Variants in ZNF618 observed in about 807,000 individuals in gnomAD.
The protein encoded by ZNF618 is neural precursor cell expressed, developmentally down-regulated 10.
Under a neutral mutation model 103.0 loss-of-function variants are expected in ZNF618, and 34 were observed. The ratio of observed to expected loss-of-function variants is 0.33; its 90% CI spans 0.25 to 0.44. The LOEUF (loss-of-function observed/expected upper bound fraction) is 0.44, where lower values mean the gene tolerates loss of function less well. ZNF618 is among the 20% of genes least tolerant of loss of function. The pLI is 1.00. For synonymous variants in ZNF618, 551 were observed against 542.2 expected (o/e 1.02, Z -0.23); for missense variants, 1,059 against 1,295.4 (o/e 0.82, Z 2.80).
chr9:114,048,729 T>C lies in ZNF618; in HGVS notation c.1427T>C (p.Val476Ala). 6.2e-7 allele frequency: 1 copy of C among 1,613,858 alleles called. No homozygotes were observed. Among genetic ancestry groups the C allele is most frequent in the Non-Finnish European group, 8.5e-7 (1 of 1,179,878 alleles). The change falls in exon 15 of 15, where the codon GTC becomes GCC. Residue 476 changes from valine (V) to alanine (A), a missense_variant. By Grantham distance (64) the Val-to-Ala change is moderately conservative (BLOSUM62 0). This residue lies in a region of ZNF618 where 434 missense variants were observed against 476.0 expected (regional missense o/e 0.91). Transcript: ENST00000374126. ...RQNIAERLLR[V>A]MCADLGALSV... ...AACATCGCAGAGCGGCTGTTGAGGG[T>C]CATGTGTGCCGACCTGGGTGCACTG...
chr9:113,985,896 C>T (rs2133236545), intron 2 of ZNF618, among the ~76,000 whole-genome samples: 1 of 152,348 alleles, frequency 6.6e-6, no homozygotes, highest in African/African-American at 2.4e-5. Flanking sequence ...TATGTTAGAA[C>T]ACTGCCGGGC....
chr9:114,050,325 T>G lies in ZNF618; in HGVS notation c.*158T>G. 1.2e-6 allele frequency: 1 copy of G among 810,448 alleles called. No individual in the cohort carries two copies. The highest frequency in any genetic ancestry group is 1.9e-5 in the South Asian group (1 of 52,290). 50.2% of individuals were successfully genotyped at this position (810,448 alleles called of 1,614,324 possible). A position where few individuals can be genotyped will look rare whatever the true frequency, so the allele number is the denominator to read the frequency against. ...TAAGTGCTTTTTTTATATGTGTGTGTGTGCGTGTATGTACACAGCCACACG... is the reference window on the plus strand; with the variant it reads ...TAAGTGCTTTTTTTATATGTGTGTGGGTGCGTGTATGTACACAGCCACACG... On this transcript the variant is annotated 3_prime_UTR_variant, in exon 15 of 15. Coordinates refer to ENST00000374126, the MANE Select transcript of ZNF618 (RefSeq NM_001318042.2).
At chr9:113,895,481 A>G (rs1208352696) in intron 1 of ZNF618, among the ~76,000 whole-genome samples, 1 of 152,072 alleles carries the variant, frequency 6.6e-6, no homozygotes, top group Non-Finnish European at 1.5e-5. Context: ...GTCTATATCC[A>G]TTAGTGAGAT....
At chr9:114,016,106 C>T (rs1842626916) in intron 9 of ZNF618, 2 of 1,601,024 alleles carry the variant, frequency 1.2e-6, no homozygotes, top group South Asian at 1.1e-5. Context: ...TTATAATTTT[C>T]CCCCAGTGAA....
chr9:113,936,078 C>T (rs1834004991), intron 1 of ZNF618, among the ~76,000 whole-genome samples: 1 of 152,096 alleles, frequency 6.6e-6, no homozygotes, highest in Admixed American at 6.5e-5. Flanking sequence ...CTTCAGCCTC[C>T]CAAGTCACTG....
In ZNF618 at chr9:114,054,400, C is replaced by T. The variant is rs963400319; in HGVS notation, c.*4233C>T. Reference sequence around the variant, plus strand: ...GGATATGCTGGAAGAGGAGGTGTCCCAGTGAGCCGCCCGAAGTTCATAGCT... The same window carrying T: ...GGATATGCTGGAAGAGGAGGTGTCCTAGTGAGCCGCCCGAAGTTCATAGCT... On this transcript the variant is annotated 3_prime_UTR_variant, in exon 15 of 15. Coordinates refer to ENST00000374126, the MANE Select transcript of ZNF618 (RefSeq NM_001318042.2). 6.6e-6 allele frequency: 1 copy of T among 152,298 alleles called. No homozygotes were observed. The highest frequency in any genetic ancestry group is 1.5e-5 in the Non-Finnish European group (1 of 68,082). The allele number at this position is 152,298 out of a possible 1,614,324, so 9.4% of individuals were successfully genotyped here.
rs200688583 is a variant in ZNF618 at position 113,938,570 on chromosome 9, TTC to T, written c.34-30545_34-30544del. ...CCTCCTCCCATTATATTTTCTTTTT[TTC>T]TTTTTTTTTTTTTTGAGATGGAGTC... On this transcript the variant is annotated intron_variant, in intron 1 of 14. Transcript: ENST00000374126. Among the ~76,000 whole-genome samples the T allele has an allele frequency of 9.8e-5, 14 of 142,602 alleles. 1 individual carries two copies. The East Asian group carries it at 1.8e-3, about 19-fold the overall frequency. The allele number at this position is 142,602 out of a possible 152,430, so 93.6% of individuals were successfully genotyped here. A position where few individuals can be genotyped will look rare whatever the true frequency, so the allele number is the denominator to read the frequency against.
intron 2 of ZNF618, among the ~76,000 whole-genome samples, chr9:113,985,110 C>T (rs929855509): frequency 1.3e-5 from 2 of 152,250 alleles, no homozygotes; most frequent in African/African-American, 4.8e-5. Flanking sequence ...GTAGACATTA[C>T]TTTGTTTTGC....
At chr9:113,943,661 GA>G (rs775662445) in intron 1 of ZNF618, among the ~76,000 whole-genome samples, 15 of 151,334 alleles carry the variant, frequency 9.9e-5, no homozygotes, top group Non-Finnish European at 2.9e-5. Flanking sequence ...TTCAAATCAT[GA>G]CCACTAATTG....
chr9:114,039,340 GTTTTTTTTTT>G (rs968810244), intron 13 of ZNF618, among the ~76,000 whole-genome samples: 1 of 104,746 alleles, frequency 9.5e-6, no homozygotes, highest in African/African-American at 3.3e-5. Context: ...TTTCTTGTTT[GTTTTTTTTTT>G]TTTTTTTTTC....
At chr9:113,888,501 G>A in intron 1 of ZNF618, among the ~76,000 whole-genome samples, 1 of 152,226 alleles carries the variant, frequency 6.6e-6, no homozygotes, top group African/African-American at 2.4e-5. Context: ...ACTTGGAATC[G>A]GGGCCTCCCG....
intron 1 of ZNF618, among the ~76,000 whole-genome samples, chr9:113,941,886 G>C (rs1423214826): frequency 6.6e-6 from 1 of 152,156 alleles, no homozygotes; most frequent in African/African-American, 2.4e-5. Context: ...TCAGGATAGA[G>C]AGACCATGAG....
At chr9:113,914,281 ATGTT>A (rs1831850505) in intron 1 of ZNF618, among the ~76,000 whole-genome samples, 1 of 152,230 alleles carries the variant, frequency 6.6e-6, no homozygotes, top group African/African-American at 2.4e-5. Flanking sequence ...ACCAAAGTCC[ATGTT>A]TGTTCCAGGA....
At chr9:113,983,684 T>A (rs1839181602) in intron 2 of ZNF618, among the ~76,000 whole-genome samples, 1 of 152,182 alleles carries the variant, frequency 6.6e-6, no homozygotes, top group Non-Finnish European at 1.5e-5. Context: ...GACTCTCAGC[T>A]CCAGGTGTTA....
intron 1 of ZNF618, among the ~76,000 whole-genome samples, chr9:113,938,939 C>T (rs1270805723): frequency 6.6e-6 from 1 of 151,922 alleles, no homozygotes; most frequent in Non-Finnish European, 1.5e-5. Context: ...AATATTTATC[C>T]TGTATCTGGT....
chr9:114,036,705 A>G (rs1362643514), intron 13 of ZNF618, among the ~76,000 whole-genome samples: 1 of 152,254 alleles, frequency 6.6e-6, no homozygotes, highest in Non-Finnish European at 1.5e-5. Context: ...CGAAATGTGC[A>G]GGTGGAAATG....
chr9:113,951,531 G>GTGTGTATA (rs1835727363), intron 1 of ZNF618, among the ~76,000 whole-genome samples: 1 of 25,182 alleles, frequency 4.0e-5, no homozygotes, highest in Non-Finnish European at 9.2e-5. Flanking sequence ...GTACACATAT[G>GTGTGTATA]TGTGTACATA....
chr9:113,879,413 T>TTTTA (rs1554715441), intron 1 of ZNF618, among the ~76,000 whole-genome samples: 1 of 145,912 alleles, frequency 6.9e-6, no homozygotes, highest in African/African-American at 2.5e-5. Context: ...TTTTTTTTTT[T>TTTTA]AAATTGGTTA....
intron 9 of ZNF618, among the ~76,000 whole-genome samples, chr9:114,010,517 C>T (rs1366082167): frequency 1.3e-5 from 2 of 151,534 alleles, no homozygotes; most frequent in African/African-American, 4.9e-5. Flanking sequence ...CCATCCTGGC[C>T]AACATGGTGA....
Sources: allele counts gnomAD v4.1 joint callset (sites outside exome capture counted in the v4.1 genomes callset), GRCh38; gene constraint gnomAD v4.1.1; regional missense constraint gnomAD v4.1.1; transcripts MANE v1.5; gene names NCBI Gene and HGNC (gene_info 2026-07-23, HGNC 2026-07-21).